The following NLGN3 variants were observed in gnomAD, a reference collection of about 807,000 sequenced individuals.
NLGN3 encodes neuroligin 3.
In NLGN3, 11 loss-of-function variants were observed where a neutral mutation model predicts 42.9. The observed-to-expected ratio is 0.26, with a 90% CI of 0.16 to 0.42. The LOEUF (loss-of-function observed/expected upper bound fraction) is 0.42, where lower values mean the gene tolerates loss of function less well. Ranked by LOEUF, NLGN3 falls within the 10% of genes least tolerant of loss-of-function variation. NLGN3 has a pLI of 1.00. For synonymous variants in NLGN3, 279 were observed against 312.7 expected (o/e 0.89, Z 1.14); for missense variants, 374 against 733.8 (o/e 0.51, Z 5.67).
At chrX:71,151,619 G>T (rs1272085387) in intron 3 of NLGN3, among the ~76,000 whole-genome samples, 1 of 112,427 alleles carries the variant, frequency 8.9e-6, no homozygotes, top group East Asian at 2.8e-4. Flanking sequence ...TGGCGGCTAG[G>T]AGCTGCTCAG....
At chrX:71,159,294 C>T (rs925784440) in intron 5 of NLGN3, among the ~76,000 whole-genome samples, 51 of 108,690 alleles carry the variant, frequency 4.7e-4, no homozygotes, top group Non-Finnish European at 9.0e-4. Context: ...GCACTCTAGC[C>T]TGGGCAACAG....
At chrX:71,150,156 C>A (rs745547730) in intron 3 of NLGN3, among the ~76,000 whole-genome samples, 1 of 111,424 alleles carries the variant, frequency 9.0e-6, no homozygotes, top group South Asian at 3.8e-4. Flanking sequence ...CCCCATACCC[C>A]ACCCAGGACC....
chrX:71,153,345 C>A (rs2092397372), intron 3 of NLGN3, 132 bp from the exon 4 acceptor site: 2 of 629,473 alleles, frequency 3.2e-6, no homozygotes, highest in Non-Finnish European at 5.2e-6. Flanking sequence ...TTCTTGCCAT[C>A]CCTCCTGCCT....
intron 3 of NLGN3, among the ~76,000 whole-genome samples, chrX:71,152,997 C>T (rs780549554): frequency 5.4e-5 from 6 of 111,971 alleles, no homozygotes; most frequent in South Asian, 7.4e-4. Flanking sequence ...TCCCTCTACA[C>T]GTCTCTGCCC....
In NLGN3 at chrX:71,148,004, G is replaced by A. The variant is rs772407319; in HGVS notation, c.255G>A (p.Leu85=). The change falls in exon 2 of 8, where the codon CTG becomes CTA. Residue 85 remains leucine, a synonymous_variant. Coordinates refer to ENST00000358741, the MANE Select transcript of NLGN3 (RefSeq NM_181303.2). ...AAPPIGEKRF[L]PPEPPPSWSG... is the part of the protein sequence containing the mutation. The stretch of plus-strand genomic sequence containing the variant: ...CCCCGATCGGCGAGAAACGTTTCCT[G>A]CCCCCTGAACCACCCCCATCCTGGT... 1.8e-5 allele frequency: 22 copies of A among 1,207,525 alleles called. No homozygotes were observed. Among genetic ancestry groups the A allele is most frequent in the Non-Finnish European group, 2.5e-5 (22 of 892,432 alleles).
At chrX:71,158,100 C>T (rs901117987) in intron 5 of NLGN3, among the ~76,000 whole-genome samples, 1 of 109,046 alleles carries the variant, frequency 9.2e-6, no homozygotes, top group Non-Finnish European at 1.9e-5. Flanking sequence ...ATTTTTGAGA[C>T]AGAGTCTCAC....
At chrX:71,147,396 G>A (rs1226651918) in intron 1 of NLGN3, among the ~76,000 whole-genome samples, 154 bp from the exon 2 acceptor site, 1 of 112,030 alleles carries the variant, frequency 8.9e-6, no homozygotes, top group Non-Finnish European at 1.9e-5. Flanking sequence ...GATTGGCAGT[G>A]GATCATCTGT....
chrX:71,170,226 C>T lies in NLGN3; in HGVS notation c.*129C>T. 8.7e-7 allele frequency: 1 copy of T among 1,153,500 alleles called. No homozygotes were observed. Among genetic ancestry groups the T allele is most frequent in the East Asian group, 3.2e-5 (1 of 31,150 alleles). ...ATATATGTATACGCACGCACCCACA[C>T]CCTACAGCAGATCCACCTGCACAAA... On this transcript the variant is annotated 3_prime_UTR_variant, in exon 8 of 8. Coordinates refer to ENST00000358741, the MANE Select transcript of NLGN3 (RefSeq NM_181303.2).
chrX:71,165,285 G>A (rs986708746), intron 6 of NLGN3, among the ~76,000 whole-genome samples: 1 of 111,423 alleles, frequency 9.0e-6, no homozygotes, highest in African/African-American at 3.3e-5. Flanking sequence ...GGAAGACTTA[G>A]GTGGGATCTG....
Position 71,170,274 on chromosome X carries a change from C to T in NLGN3, c.*177C>T, listed in dbSNP as rs747551284. ...AAACATAGACAGATGTGGACATGCA[C>T]CCGCATGTACAAAAACACAAATACG... On this transcript the variant is annotated 3_prime_UTR_variant, in exon 8 of 8. Transcript: ENST00000358741. 1.8e-6 allele frequency: 2 copies of T among 1,121,284 alleles called. No homozygotes were observed. 92.4% of individuals were successfully genotyped at this position (1,121,284 alleles called of 1,213,427 possible). A position where few individuals can be genotyped will look rare whatever the true frequency, so the allele number is the denominator to read the frequency against.
intron 1 of NLGN3, among the ~76,000 whole-genome samples, chrX:71,146,627 G>C (rs960865943): frequency 9.0e-6 from 1 of 111,380 alleles, no homozygotes; most frequent in African/African-American, 3.3e-5. Context: ...TGTGTGAGGT[G>C]CTCTGTCTCA....
intron 3 of NLGN3, among the ~76,000 whole-genome samples, chrX:71,152,998 G>A (rs1179887509): frequency 1.8e-5 from 2 of 111,726 alleles, no homozygotes; most frequent in Non-Finnish European, 3.8e-5. Flanking sequence ...CCCTCTACAC[G>A]TCTCTGCCCT....
intron 2 of NLGN3, 114 bp downstream of exon 2, chrX:71,148,320 G>T: frequency 1.6e-6 from 1 of 621,772 alleles, no homozygotes; most frequent in Non-Finnish European, 2.7e-6. Flanking sequence ...CTGTGAAAAT[G>T]CTTCTAACCA....
At chrX:71,155,441 A>G (rs2092405507) in intron 5 of NLGN3, 78 bp downstream of exon 5, 1 of 1,119,931 alleles carries the variant, frequency 8.9e-7, no homozygotes, top group African/African-American at 1.8e-5. Flanking sequence ...GAATTTAAAA[A>G]CAGATAGCCT....
chrX:71,170,759 A>G lies in NLGN3; in HGVS notation c.*662A>G. 1 of 759,932 alleles carries G rather than the reference A, an allele frequency of 1.3e-6. No homozygotes were observed. Among genetic ancestry groups the G allele is most frequent in the South Asian group, 6.5e-5 (1 of 15,334 alleles). The allele number at this position is 759,932 out of a possible 1,213,427, so 62.6% of individuals were successfully genotyped here. Reference sequence around the variant, plus strand: ...GCAAGACCATGGGGTGGAAGGAGAAAGGGGCTAGCACTGGATGGAGCTGGA... The same window carrying G: ...GCAAGACCATGGGGTGGAAGGAGAAGGGGGCTAGCACTGGATGGAGCTGGA... On this transcript the variant is annotated 3_prime_UTR_variant, in exon 8 of 8. Transcript: ENST00000358741.
chrX:71,161,251 A>G (rs2092429204), intron 5 of NLGN3, among the ~76,000 whole-genome samples: 2 of 107,554 alleles, frequency 1.9e-5, no homozygotes, highest in South Asian at 8.3e-4. Flanking sequence ...AGTAGCTGGG[A>G]TTACAGTCAC....
At chrX:71,172,929 C>G (rs188298697), downstream of NLGN3, among the ~76,000 whole-genome samples, 8 of 110,260 alleles carry the variant, frequency 7.3e-5, no homozygotes, top group Non-Finnish European at 1.5e-4. Flanking sequence ...CTAAGGGAAG[C>G]ACTGGTATTT....
chrX:71,159,683 T>G (rs774622342), intron 5 of NLGN3, among the ~76,000 whole-genome samples: 1 of 109,678 alleles, frequency 9.1e-6, no homozygotes, highest in Admixed American at 9.8e-5. Context: ...TGACACCAGA[T>G]GTAGAACATG....
Position 71,170,603 on chromosome X carries a change from TTCCAACCCATG to T in NLGN3, c.*507_*517del. On this transcript the variant is annotated 3_prime_UTR_variant, in exon 8 of 8. Transcript: ENST00000358741. ...TTTTTTAATTTTGGAACAAATGCTT[TTCCAACCCATG>T]AGTGCTAAGAGCCTCTGGAAGGGAG... is the stretch of plus-strand genomic sequence containing the variant. 1 of 791,509 alleles carries T rather than the reference TTCCAACCCATG, an allele frequency of 1.3e-6. No homozygotes were observed. The highest frequency in any genetic ancestry group is 1.5e-6 in the Non-Finnish European group (1 of 662,452). 65.2% of individuals were successfully genotyped at this position (791,509 alleles called of 1,213,427 possible).
Sources: gnomAD v4.1 joint callset for allele counts (sites outside exome capture counted in the v4.1 genomes callset) on GRCh38, gnomAD v4.1.1 for gene constraint, MANE v1.5 for transcripts, NCBI Gene and HGNC (gene_info 2026-07-23, HGNC 2026-07-21) for gene names.